WDPCP: variants seen among roughly 807,000 people sequenced by gnomAD.
The protein encoded by WDPCP is WD repeat containing planar cell polarity effector.
In WDPCP, 71 loss-of-function variants were observed where a neutral mutation model predicts 93.1. The ratio of observed to expected loss-of-function variants is 0.76; its 90% CI spans 0.63 to 0.93. WDPCP has a LOEUF of 0.93. WDPCP is among the 40% of genes least tolerant of loss of function. The pLI, the probability that WDPCP is intolerant of heterozygous loss-of-function variation, is 0.00. For missense variants in WDPCP, 844 were observed against 887.4 expected (o/e 0.95, Z 0.62); for synonymous variants, 315 against 315.0 (o/e 1.00, Z 0.00).
At chr2:63,149,834 T>A (rs935429226) in intron 17 of WDPCP, among the ~76,000 whole-genome samples, 1 of 152,140 alleles carries the variant, frequency 6.6e-6, no homozygotes, top group Non-Finnish European at 1.5e-5. Flanking sequence ...AGACCCTGTC[T>A]CTACAAAAAG....
intron 2 of WDPCP, among the ~76,000 whole-genome samples, chr2:63,701,508 A>C (rs1213254211): frequency 2.0e-5 from 3 of 152,256 alleles, no homozygotes; most frequent in African/African-American, 7.2e-5. Flanking sequence ...ATATATAGCC[A>C]AAAGAAATGA....
chr2:63,442,590 C>CA (rs1697574218), intron 6 of WDPCP: 1 of 152,140 alleles, frequency 6.6e-6, no homozygotes, highest in Non-Finnish European at 1.5e-5. Context: ...CCAGGTTGGA[C>CA]TCAATGTTAG....
chr2:63,766,119 A>G (rs1670133915), intron 2 of WDPCP, among the ~76,000 whole-genome samples: 1 of 152,240 alleles, frequency 6.6e-6, no homozygotes, highest in Non-Finnish European at 1.5e-5. Flanking sequence ...GTGGAGGTAG[A>G]GCACAGAGCA....
intron 15 of WDPCP, among the ~76,000 whole-genome samples, chr2:63,164,025 G>A (rs1046038261): frequency 1.3e-5 from 2 of 152,144 alleles, no homozygotes; most frequent in African/African-American, 2.4e-5. Context: ...AACCAGTATT[G>A]TAGTTAATTT....
intron 12 of WDPCP, among the ~76,000 whole-genome samples, chr2:63,328,238 T>C (rs926886765): frequency 6.6e-6 from 1 of 151,884 alleles, no homozygotes; most frequent in Non-Finnish European, 1.5e-5. Context: ...ATCAGCAGGA[T>C]GTGGGTGGGC....
At position 63,721,834 on chromosome 2, in the gene WDPCP, T is replaced by C. The variant is rs1400468644; in HGVS notation, n.309-70996A>G. On this transcript the variant is annotated intron_variant and non_coding_transcript_variant, in intron 2 of 4. Transcript: ENST00000467687. ...GCTGCCATCTCGGCTCACTGCAACC[T>C]CCCTGCCTGATTCTCCTGACTCAGC... Among the ~76,000 whole-genome samples, 68 of 151,744 alleles carry C rather than the reference T, an allele frequency of 4.5e-4. 3 individuals are homozygous for C. Among genetic ancestry groups the C allele is most frequent in the Admixed American group, 1.3e-4 (2 of 15,206 alleles).
At chr2:63,582,506 G>T (rs1335751954) in intron 1 of WDPCP, among the ~76,000 whole-genome samples, 2 of 152,006 alleles carry the variant, frequency 1.3e-5, no homozygotes, top group African/African-American at 4.8e-5. Context: ...AGTATTTCAA[G>T]AAACAAGGTC....
At chr2:63,234,145 C>G (rs1232425889) in intron 14 of WDPCP, among the ~76,000 whole-genome samples, 1 of 152,124 alleles carries the variant, frequency 6.6e-6, no homozygotes, top group African/African-American at 2.4e-5. Flanking sequence ...ATAAGGGTGG[C>G]TAAAATCACA....
intron 2 of WDPCP, among the ~76,000 whole-genome samples, chr2:63,718,245 T>C (rs1669365834): frequency 6.6e-6 from 1 of 152,204 alleles, no homozygotes; most frequent in South Asian, 2.1e-4. Flanking sequence ...TTTTATATAA[T>C]GATTTCTTTT....
chr2:63,748,086 G>A (rs1669825515), intron 2 of WDPCP, among the ~76,000 whole-genome samples: 1 of 151,774 alleles, frequency 6.6e-6, no homozygotes, highest in Non-Finnish European at 1.5e-5. Flanking sequence ...ATGAAATAGA[G>A]TTTTATATTG....
At chr2:63,163,439 C>T (rs1672763180) in intron 15 of WDPCP, among the ~76,000 whole-genome samples, 1 of 152,096 alleles carries the variant, frequency 6.6e-6, no homozygotes, top group Non-Finnish European at 1.5e-5. Context: ...CATAAAGCAC[C>T]TGGTGGGCAC....
intron 10 of WDPCP, among the ~76,000 whole-genome samples, chr2:63,388,904 A>C (rs563851424): frequency 1.3e-5 from 2 of 152,230 alleles, no homozygotes; most frequent in Non-Finnish European, 2.9e-5. Flanking sequence ...CTATGTAAAA[A>C]GACCAAATCT....
rs547823114 is a variant in WDPCP, at chr2:63,431,317, A to C, written c.825+2428T>G. 9.7e-4 allele frequency among the ~76,000 whole-genome samples: 147 copies of C among 152,232 alleles called. 1 individual carries two copies. Among genetic ancestry groups the C allele is most frequent in the Non-Finnish European group, 1.1e-3 (77 of 68,018 alleles). On this transcript the variant is annotated intron_variant, in intron 9 of 17. Coordinates refer to ENST00000272321, the MANE Select transcript of WDPCP (RefSeq NM_015910.7). ...TTTTAAAAGCTCTGTAGGTGATCTT[A>C]ATGTGTTGTCAAAGCTAGGAACTAC...
chr2:63,712,712 C>T (rs1277717470), intron 2 of WDPCP, among the ~76,000 whole-genome samples: 1 of 152,144 alleles, frequency 6.6e-6, no homozygotes, highest in East Asian at 1.9e-4. Context: ...ATTTGTGAGC[C>T]CTCCTCAAGG....
At chr2:63,685,330 T>C (rs1218976992) in intron 2 of WDPCP, among the ~76,000 whole-genome samples, 1 of 152,208 alleles carries the variant, frequency 6.6e-6, no homozygotes, top group Non-Finnish European at 1.5e-5. Context: ...TGAGCAACTT[T>C]TGTCACTAGA....
intron 12 of WDPCP, among the ~76,000 whole-genome samples, chr2:63,334,342 GC>G (rs1688198471): frequency 6.6e-6 from 1 of 152,130 alleles, no homozygotes. Context: ...TCTGATATGT[GC>G]CCAAGGTGGT....
chr2:63,121,115 G>C lies in WDPCP; in HGVS notation c.*891C>G, dbSNP rs1384462696. Among the ~76,000 whole-genome samples, 1 of 152,106 alleles carries C rather than the reference G, an allele frequency of 6.6e-6. No homozygotes were observed. Among genetic ancestry groups the C allele is most frequent in the Non-Finnish European group, 1.5e-5 (1 of 68,032 alleles). ...CTGCACACTCAATGGGCAGTGTAAA[G>C]GAGAGGCATTCTGAGTTTAAAGAAC... On this transcript the variant is annotated 3_prime_UTR_variant, in exon 18 of 18. Transcript: ENST00000272321.
chr2:63,434,350 A>T (rs1459862623), intron 8 of WDPCP, among the ~76,000 whole-genome samples: 1 of 152,214 alleles, frequency 6.6e-6, no homozygotes, highest in African/African-American at 2.4e-5. Context: ...AATGACTGAC[A>T]ACAAAAAAAG....
intron 12 of WDPCP, among the ~76,000 whole-genome samples, chr2:63,339,642 T>C (rs1451062763): frequency 6.6e-6 from 1 of 152,202 alleles, no homozygotes; most frequent in Admixed American, 6.5e-5. Flanking sequence ...CAAACAGGGC[T>C]AATTTAACTT....
Sources: gnomAD v4.1 joint callset for allele counts (sites outside exome capture counted in the v4.1 genomes callset) on GRCh38, gnomAD v4.1.1 for gene constraint, MANE v1.5 for transcripts, NCBI Gene and HGNC (gene_info 2026-07-23, HGNC 2026-07-21) for gene names.